The following KCNIP4 variants were observed in gnomAD, a reference collection of about 807,000 sequenced individuals.
KCNIP4 encodes the protein Kv channel-interacting protein 4.
In KCNIP4, 12 loss-of-function variants were observed where a neutral mutation model predicts 34.0. The ratio of observed to expected loss-of-function variants is 0.35; its 90% confidence interval spans 0.23 to 0.57. KCNIP4 has a LOEUF of 0.57. Among genes scored for constraint, KCNIP4 ranks in the 20% least tolerant of loss-of-function variants. The pLI is 0.83. For synonymous variants in KCNIP4, 124 were observed against 102.2 expected, an observed-to-expected ratio of 1.21 and a Z score of -1.29; for missense variants, 238 against 311.7, an observed-to-expected ratio of 0.76 and a Z score of 1.78.
intron 1 of KCNIP4, among the ~76,000 whole-genome samples, chr4:21,218,386 C>A (rs964058255): frequency 1.3e-5 from 2 of 151,772 alleles, no homozygotes; most frequent in African/African-American, 4.9e-5. Context: ...ATACATTTAT[C>A]TTTATTTTTA....
At chr4:21,357,865 C>A (rs1399071436) in intron 1 of KCNIP4, among the ~76,000 whole-genome samples, 1 of 152,140 alleles carries the variant, frequency 6.6e-6, no homozygotes, top group Non-Finnish European at 1.5e-5. Flanking sequence ...AAGACACATG[C>A]ACATGTATGT....
intron 1 of KCNIP4, among the ~76,000 whole-genome samples, chr4:21,766,810 G>A (rs1264768654): frequency 6.6e-6 from 1 of 152,144 alleles, no homozygotes; most frequent in Non-Finnish European, 1.5e-5. Flanking sequence ...CTGAGAGTCA[G>A]AAAGTGTGTG....
intron 1 of KCNIP4, among the ~76,000 whole-genome samples, chr4:21,695,314 A>G (rs1031100372): frequency 6.6e-6 from 1 of 152,090 alleles, no homozygotes; most frequent in Non-Finnish European, 1.5e-5. Flanking sequence ...AGCCGAAAAG[A>G]ATTTTTACAA....
intron 1 of KCNIP4, among the ~76,000 whole-genome samples, chr4:21,173,884 C>T (rs1047040032): frequency 6.6e-6 from 1 of 152,180 alleles, no homozygotes; most frequent in African/African-American, 2.4e-5. Flanking sequence ...ACTTCTCGCC[C>T]AGCTGCGCCC....
chr4:20,809,116 G>A (rs1715422914), intron 3 of KCNIP4, among the ~76,000 whole-genome samples: 1 of 152,152 alleles, frequency 6.6e-6, no homozygotes, highest in Admixed American at 6.5e-5. Context: ...AGCTATCGGA[G>A]ACTTTCAGAG....
At chr4:20,973,674 T>C (rs765614233) in intron 1 of KCNIP4, among the ~76,000 whole-genome samples, 6 of 152,166 alleles carry the variant, frequency 3.9e-5, no homozygotes, top group Non-Finnish European at 7.3e-5. Flanking sequence ...TGATTTCAAG[T>C]GAGAGATGTA....
At chr4:20,864,090 G>GCATGTATACGTATGTATGTATACATATC (rs1455038060) in intron 2 of KCNIP4, among the ~76,000 whole-genome samples, 82 of 139,434 alleles carry the variant, frequency 5.9e-4, no homozygotes, top group Admixed American at 8.7e-4. Flanking sequence ...GTATGTATAT[G>GCATGTATACGTATGTATGTATACATATC]CATGTATACG....
chr4:21,637,635 T>G (rs191582888), intron 1 of KCNIP4, among the ~76,000 whole-genome samples: 10 of 151,944 alleles, frequency 6.6e-5, no homozygotes, highest in Admixed American at 6.6e-4. Flanking sequence ...ATACAAAAAT[T>G]AGCTGGGCAT....
At chr4:21,856,983 C>A (rs574345009) in intron 1 of KCNIP4, among the ~76,000 whole-genome samples, 8 of 152,154 alleles carry the variant, frequency 5.3e-5, no homozygotes, top group Non-Finnish European at 1.2e-4. Flanking sequence ...GGCCTGCTGG[C>A]ACCACTCAGC....
chr4:21,724,826 T>C (rs1195950408), intron 1 of KCNIP4, among the ~76,000 whole-genome samples: 1 of 152,066 alleles, frequency 6.6e-6, no homozygotes, highest in African/African-American at 2.4e-5. Flanking sequence ...TTGCAGGGCA[T>C]GCTTAAGAGA....
intron 1 of KCNIP4, among the ~76,000 whole-genome samples, chr4:21,591,556 T>C (rs1309042512): frequency 1.3e-5 from 2 of 152,074 alleles, no homozygotes; most frequent in East Asian, 1.9e-4. Flanking sequence ...TCCTTTTGGA[T>C]GTACGTGTAA....
intron 1 of KCNIP4, among the ~76,000 whole-genome samples, chr4:21,461,493 G>A (rs182195048): frequency 1.2e-4 from 18 of 151,020 alleles, no homozygotes; most frequent in African/African-American, 4.1e-4. Flanking sequence ...ATCAGTTCAT[G>A]GCAGATTTAA....
intron 1 of KCNIP4, among the ~76,000 whole-genome samples, chr4:21,757,203 G>T (rs371382190): frequency 0.013 from 227 of 18,094 alleles, 12 homozygotes; most frequent in East Asian, 0.04. Context: ...AGGAAGGAAA[G>T]AAAGAAAGAA....
intron 3 of KCNIP4, among the ~76,000 whole-genome samples, chr4:20,799,818 T>C (rs1713998335): frequency 6.6e-6 from 1 of 152,200 alleles, no homozygotes; most frequent in Non-Finnish European, 1.5e-5. Flanking sequence ...CACTGTTCCG[T>C]GAGGATTTAG....
chr4:20,990,272 T>C (rs1175287255), intron 1 of KCNIP4, among the ~76,000 whole-genome samples: 1 of 152,192 alleles, frequency 6.6e-6, no homozygotes, highest in African/African-American at 2.4e-5. Flanking sequence ...ACTTTGAAAA[T>C]TCCTAAATGT....
intron 1 of KCNIP4, among the ~76,000 whole-genome samples, chr4:21,416,963 T>A (rs1725000581): frequency 6.6e-6 from 1 of 152,208 alleles, no homozygotes; most frequent in Non-Finnish European, 1.5e-5. Context: ...GCTTTTCTCA[T>A]GTGAAATTGT....
chr4:20,983,349 C>G (rs1022553724), intron 1 of KCNIP4, among the ~76,000 whole-genome samples: 1 of 152,164 alleles, frequency 6.6e-6, no homozygotes, highest in Non-Finnish European at 1.5e-5. Context: ...AAAGCTTACC[C>G]ATTTTATATC....
chr4:21,127,129 C>G (rs1750686944), intron 1 of KCNIP4, among the ~76,000 whole-genome samples: 2 of 152,166 alleles, frequency 1.3e-5, no homozygotes, highest in South Asian at 4.1e-4. Context: ...ACTCATCACT[C>G]AGGTCTCAAC....
At chr4:21,713,576 C>G (rs78939976) in intron 1 of KCNIP4, among the ~76,000 whole-genome samples, 1 of 152,258 alleles carries the variant, frequency 6.6e-6, no homozygotes, top group South Asian at 2.1e-4. Context: ...TCCATCACCT[C>G]GAGTATTTGT....
Sources: gnomAD v4.1 joint callset for allele counts (sites outside exome capture counted in the v4.1 genomes callset) on GRCh38, gnomAD v4.1.1 for gene constraint, MANE v1.5 for transcripts, NCBI Gene and HGNC (gene_info 2026-07-23, HGNC 2026-07-21) for gene names.